The following PIP5K1B variants were observed in gnomAD, a reference collection of about 807,000 sequenced individuals.
The protein encoded by PIP5K1B is phosphatidylinositol-4-phosphate 5-kinase type 1 beta.
PIP5K1B carries 42 observed loss-of-function variants against 67.0 expected under a neutral mutation model. The observed-to-expected ratio is 0.63, with a 90% confidence interval of 0.49 to 0.81. PIP5K1B has a LOEUF of 0.81. Ranked by LOEUF, PIP5K1B falls within the 30% of genes least tolerant of loss-of-function variation. PIP5K1B has a pLI of 0.00. For missense variants in PIP5K1B, 459 were observed against 646.3 expected (o/e 0.71, Z 3.14); for synonymous variants, 214 against 231.4 (o/e 0.92, Z 0.68).
At chr9:68,912,195 A>G (rs566333907) in intron 8 of PIP5K1B, among the ~76,000 whole-genome samples, 3 of 152,144 alleles carry the variant, frequency 2.0e-5, no homozygotes, top group Admixed American at 2.0e-4. Flanking sequence ...CCTTATTACA[A>G]TGTGTAATTC....
chr9:68,862,926 G>A (rs990121888), intron 4 of PIP5K1B, among the ~76,000 whole-genome samples: 1 of 151,852 alleles, frequency 6.6e-6, no homozygotes, highest in Non-Finnish European at 1.5e-5. Flanking sequence ...GGTGTTAAAA[G>A]CTTGAAGAAA....
At chr9:68,743,145 AGC>A (rs1159141249) in intron 2 of PIP5K1B, among the ~76,000 whole-genome samples, 1 of 152,048 alleles carries the variant, frequency 6.6e-6, no homozygotes, top group East Asian at 1.9e-4. Context: ...CCTAGTGGGG[AGC>A]AGGCCCAGAA....
intron 7 of PIP5K1B, 90 bp downstream of exon 7, chr9:68,889,223 G>C (rs1055467087): frequency 1.1e-6 from 1 of 915,694 alleles, no homozygotes; most frequent in Non-Finnish European, 1.7e-6. Flanking sequence ...AGTGACTCAG[G>C]CATGTTTCTT....
At chr9:68,893,537 CTAG>C (rs1824919386) in intron 7 of PIP5K1B, among the ~76,000 whole-genome samples, 1 of 151,858 alleles carries the variant, frequency 6.6e-6, no homozygotes, top group Non-Finnish European at 1.5e-5. Flanking sequence ...TTTCACCATG[CTAG>C]CCAGGCTGGT....
At chr9:68,819,688 A>G (rs1477718295) in intron 3 of PIP5K1B, among the ~76,000 whole-genome samples, 2 of 152,230 alleles carry the variant, frequency 1.3e-5, no homozygotes, top group Non-Finnish European at 2.9e-5. Flanking sequence ...AGTAGTCATC[A>G]TTGTGACCAT....
chr9:68,725,230 G>A (rs1473944574), intron 1 of PIP5K1B, among the ~76,000 whole-genome samples: 1 of 152,174 alleles, frequency 6.6e-6, no homozygotes, highest in Non-Finnish European at 1.5e-5. Flanking sequence ...GAATTTGGAT[G>A]CAGTGAGAGC....
intron 8 of PIP5K1B, among the ~76,000 whole-genome samples, chr9:68,908,947 C>G (rs1453221430): frequency 6.6e-6 from 1 of 152,182 alleles, no homozygotes; most frequent in African/African-American, 2.4e-5. Context: ...CCTGTCAGCT[C>G]CACATTTTGT....
At chr9:68,712,184 T>C (rs1235443429) in intron 1 of PIP5K1B, among the ~76,000 whole-genome samples, 1 of 152,168 alleles carries the variant, frequency 6.6e-6, no homozygotes, top group Non-Finnish European at 1.5e-5. Context: ...TCTGGTTGTT[T>C]CAAAGCGTGT....
chr9:68,716,484 C>T (rs1203435317), intron 1 of PIP5K1B, among the ~76,000 whole-genome samples: 1 of 152,196 alleles, frequency 6.6e-6, no homozygotes, highest in Non-Finnish European at 1.5e-5. Context: ...TGAAAAAATG[C>T]TTATCATCAC....
chr9:68,942,717 C>G (rs1827626088), intron 14 of PIP5K1B, among the ~76,000 whole-genome samples: 1 of 152,158 alleles, frequency 6.6e-6, no homozygotes, highest in South Asian at 2.1e-4. Context: ...AAAAAGTTAT[C>G]TATGATATTT....
At position 68,737,169 on chromosome 9, in the gene PIP5K1B, C is replaced by T. The variant is rs546729038; in HGVS notation, c.-242-5332C>T. Among the ~76,000 whole-genome samples, 19 of 152,306 alleles carry T rather than the reference C, an allele frequency of 1.2e-4. No homozygotes were observed. The East Asian group carries it at 3.1e-3, about 25-fold the overall frequency. ...TATAAGGATGTCAGTTTCCCTACAACGTCACCAGGTTTGCTTTCTGTCAAT... is the reference window on the plus strand; with the variant it reads ...TATAAGGATGTCAGTTTCCCTACAATGTCACCAGGTTTGCTTTCTGTCAAT... On this transcript the variant is annotated intron_variant, in intron 1 of 15. Coordinates refer to ENST00000265382, the MANE Select transcript of PIP5K1B (RefSeq NM_003558.4).
intron 2 of PIP5K1B, among the ~76,000 whole-genome samples, chr9:68,808,825 C>T (rs947772069): frequency 4.6e-5 from 7 of 152,166 alleles, no homozygotes; most frequent in East Asian, 1.9e-4. Flanking sequence ...GGATTCATAG[C>T]GAGCAGGTGC....
intron 4 of PIP5K1B, among the ~76,000 whole-genome samples, chr9:68,850,152 G>A (rs76781541): frequency 0.018 from 2,693 of 152,212 alleles, 29 homozygotes; most frequent in Non-Finnish European, 0.028. Flanking sequence ...TAACAAAAGC[G>A]ATTAAAGAAG....
chr9:68,924,128 AAGG>A (rs1453625041), intron 12 of PIP5K1B, among the ~76,000 whole-genome samples: 6 of 151,042 alleles, frequency 4.0e-5, no homozygotes, highest in South Asian at 2.1e-4. Context: ...AAAAAAAAAA[AAGG>A]AGGCCGGGCG....
chr9:68,954,808 T>C (rs2132708260), intron 14 of PIP5K1B, among the ~76,000 whole-genome samples: 1 of 152,256 alleles, frequency 6.6e-6, no homozygotes, highest in Non-Finnish European at 1.5e-5. Flanking sequence ...ACAAACAGGG[T>C]TGCAGTCAAA....
intron 2 of PIP5K1B, among the ~76,000 whole-genome samples, chr9:68,748,992 G>C (rs1412905554): frequency 6.6e-6 from 1 of 152,126 alleles, no homozygotes; most frequent in African/African-American, 2.4e-5. Context: ...GGACAGAGCT[G>C]GGTTCAAATC....
chr9:68,957,881 T>C (rs1464054184), intron 14 of PIP5K1B, among the ~76,000 whole-genome samples: 2 of 151,964 alleles, frequency 1.3e-5, no homozygotes, highest in Non-Finnish European at 2.9e-5. Context: ...TTTCTTTTTT[T>C]TTTTTCTCTT....
intron 1 of PIP5K1B, chr9:68,708,226 AT>A (rs1827214866): frequency 6.6e-6 from 1 of 152,192 alleles, no homozygotes; most frequent in South Asian, 2.1e-4. Flanking sequence ...GAATATTCTA[AT>A]TGTAAGCTCA....
At chr9:68,807,765 T>G (rs1319908460) in intron 2 of PIP5K1B, among the ~76,000 whole-genome samples, 2 of 152,122 alleles carry the variant, frequency 1.3e-5, no homozygotes, top group African/African-American at 2.4e-5. Flanking sequence ...AGGCATGTAC[T>G]CTTAGGAAAA....
Sources: gnomAD v4.1 joint callset for allele counts (sites outside exome capture counted in the v4.1 genomes callset) on GRCh38, gnomAD v4.1.1 for gene constraint, MANE v1.5 for transcripts, NCBI Gene and HGNC (gene_info 2026-07-23, HGNC 2026-07-21) for gene names.